Variants in WDFY4 observed in about 807,000 individuals in gnomAD.
WDFY4 encodes the protein WD repeat- and FYVE domain-containing protein 4.
WDFY4 carries 169 observed loss-of-function variants against 351.9 expected under a neutral mutation model. That is an observed-to-expected ratio of 0.48 (90% CI 0.42 to 0.55). The LOEUF (loss-of-function observed/expected upper bound fraction) is 0.55. Ranked by LOEUF, WDFY4 falls within the 20% of genes least tolerant of loss-of-function variation. The probability of loss-of-function intolerance (pLI) is 0.00; values close to 1 mark genes in which losing one functional copy is unlikely to be tolerated. For missense variants in WDFY4, 3,803 were observed against 3,935.6 expected (o/e 0.97, Z 0.90); for synonymous variants, 1,622 against 1,574.6 (o/e 1.03, Z -0.71).
chr10:48,899,821 T>A (rs1261947206), intron 45 of WDFY4, among the ~76,000 whole-genome samples: 1 of 152,220 alleles, frequency 6.6e-6, no homozygotes, highest in African/African-American at 2.4e-5. Flanking sequence ...CAACCCATGA[T>A]GCTGCCCAGC....
rs993401916 is a variant in WDFY4 at position 48,966,636 on chromosome 10, C to A, written c.8547C>A (p.Ser2849Arg). Residue 2849 changes from serine (S) to arginine (R), a missense_variant, in exon 55 of 62, where the codon AGC becomes AGA. Coordinates refer to ENST00000325239, the MANE Select transcript of WDFY4 (RefSeq NM_001394531.1). Reference sequence around the variant, plus strand: ...GCCACCCACAGCCCTTTTTCTACAGCCTGCAGTCGCTGAGGCCCTCCCAGG... The same window carrying A: ...GCCACCCACAGCCCTTTTTCTACAGACTGCAGTCGCTGAGGCCCTCCCAGG... The part of the protein sequence containing the change: ...LPGHPQPFFY[S>R]LQSLRPSQVT... 6.4e-7 allele frequency: 1 copy of A among 1,551,842 alleles called. No homozygotes were observed. Among genetic ancestry groups the A allele is most frequent in the Non-Finnish European group, 8.7e-7 (1 of 1,147,012 alleles).
intron 1 of WDFY4, among the ~76,000 whole-genome samples, chr10:48,695,674 G>A (rs896165245): frequency 1.3e-5 from 2 of 152,122 alleles, no homozygotes; most frequent in South Asian, 2.1e-4. Context: ...ACCGAGCCCT[G>A]ATCGGCTCCC....
At chr10:48,918,496 T>C (rs1030439541) in intron 47 of WDFY4, among the ~76,000 whole-genome samples, 1 of 152,176 alleles carries the variant, frequency 6.6e-6, no homozygotes, top group African/African-American at 2.4e-5. Flanking sequence ...TACTTATTAA[T>C]AAAATGATCA....
intron 40 of WDFY4, among the ~76,000 whole-genome samples, 190 bp downstream of exon 40, chr10:48,867,532 C>T (rs1366968622): frequency 6.6e-6 from 1 of 152,182 alleles, no homozygotes; most frequent in Non-Finnish European, 1.5e-5. Flanking sequence ...ATTTAAAGTA[C>T]CTATCTAGGC....
chr10:48,759,262 A>G (rs1269643489), intron 12 of WDFY4, among the ~76,000 whole-genome samples: 1 of 152,176 alleles, frequency 6.6e-6, no homozygotes, highest in African/African-American at 2.4e-5. Context: ...CTCAGCCCAG[A>G]GGTTAATATA....
intron 55 of WDFY4, chr10:48,968,035 A>C (rs1420748999): frequency 6.6e-6 from 1 of 152,270 alleles, no homozygotes; most frequent in East Asian, 1.9e-4. Flanking sequence ...CATGAGGTGC[A>C]AACCACATCA....
At chr10:48,901,932 T>C in intron 47 of WDFY4, 69 bp downstream of exon 47, 1 of 1,411,998 alleles carries the variant, frequency 7.1e-7, no homozygotes, top group South Asian at 1.2e-5. Flanking sequence ...CTCTGCCTCA[T>C]CCCACTCTAA....
At chr10:48,725,027 G>T (rs2064219300) in intron 5 of WDFY4, among the ~76,000 whole-genome samples, 1 of 152,188 alleles carries the variant, frequency 6.6e-6, no homozygotes. Context: ...GTCTGAGGAG[G>T]TAGTGTGGCC....
rs191649918 is a variant in WDFY4, at chr10:48,730,141, G to A, written c.1129+552G>A. ...TGACCCAGCTCAGTCAGGAAACCTCGAACAGAGGGCCTGCCGGAGGGAGTT... is the reference window on the plus strand; with the variant it reads ...TGACCCAGCTCAGTCAGGAAACCTCAAACAGAGGGCCTGCCGGAGGGAGTT... On this transcript the variant is annotated intron_variant, in intron 8 of 61. Transcript: ENST00000325239. Among the ~76,000 whole-genome samples, 624 of 152,332 alleles carry A rather than the reference G, an allele frequency of 4.1e-3. 6 individuals carry two copies. The highest frequency in any genetic ancestry group is 0.014 in the African/African-American group (592 of 41,572).
intron 52 of WDFY4, 61 bp downstream of exon 52, chr10:48,957,343 C>A: frequency 6.6e-7 from 1 of 1,526,514 alleles, no homozygotes; most frequent in Non-Finnish European, 8.9e-7. Flanking sequence ...TCCCACAGCC[C>A]CTGGGTGATG....
chr10:48,953,329 T>TCACA (rs780484513), intron 51 of WDFY4, among the ~76,000 whole-genome samples: 8 of 87,606 alleles, frequency 9.1e-5, no homozygotes, highest in Admixed American at 2.4e-4. Context: ...TCTCTCTCTC[T>TCACA]CTCTCACACA....
chr10:48,981,456 G>A lies in WDFY4; in HGVS notation c.9466G>A (p.Val3156Met). ...GAAGCCCAGCAAAACCAGCCCCGCA[G>A]TGACTGCTCTGGCCGTGTCCAGGTA... ...TGKPSKTSPA[V>M]TALAVSRNHT... The change falls in exon 61 of 62, where the codon GTG becomes ATG. Residue 3156 changes from valine (V) to methionine (M), a missense_variant. Around this residue, in one of 3 missense-constraint regions of WDFY4, gnomAD observed 3,054 missense variants for 3,148.6 expected, o/e 0.97. Coordinates refer to ENST00000325239, the MANE Select transcript of WDFY4 (RefSeq NM_001394531.1). 1 of 1,551,686 alleles carries A rather than the reference G, an allele frequency of 6.4e-7. No homozygotes were observed. The highest frequency in any genetic ancestry group is 8.7e-7 in the Non-Finnish European group (1 of 1,146,970).
chr10:48,692,097 AGCCT>A (rs1470902488), intron 1 of WDFY4, among the ~76,000 whole-genome samples: 1 of 152,228 alleles, frequency 6.6e-6, no homozygotes, highest in East Asian at 1.9e-4. Flanking sequence ...CCAGGAACCA[AGCCT>A]GCATGTCCAA....
chr10:48,828,856 C>G lies in WDFY4; in HGVS notation c.6300C>G (p.Asp2100Glu). 6.7e-7 allele frequency: 1 copy of G among 1,497,390 alleles called. No individual in the cohort carries two copies. Among genetic ancestry groups the G allele is most frequent in the Non-Finnish European group, 8.9e-7 (1 of 1,122,074 alleles). 92.8% of individuals were successfully genotyped at this position (1,497,390 alleles called of 1,614,324 possible). A position where few individuals can be genotyped will look rare whatever the true frequency, so the allele number is the denominator to read the frequency against. ...AAGTCTTCCTTTCCCCAAATGAAGA[C>G]GTGAAAGAAAAAAGAGAAGACTTAC... is the stretch of plus-strand genomic sequence containing the variant. Reference protein sequence around the residue: ...YHQVFLSPNEDVKEKREDLPS... With the variant: ...YHQVFLSPNEEVKEKREDLPS... The change falls in exon 37 of 62, where the codon GAC becomes GAG. Residue 2100 changes from aspartate (D) to glutamate (E), a missense_variant. Asp to Glu is a conservative substitution (Grantham distance 45). Coordinates refer to ENST00000325239, the MANE Select transcript of WDFY4 (RefSeq NM_001394531.1).
rs375563580 is a variant in WDFY4, at chr10:48,726,589, A to AGGACT, written c.781+525_781+529dup. Among the ~76,000 whole-genome samples the AGGACT allele has an allele frequency of 8.8e-4, 134 of 152,336 alleles. 3 individuals are homozygous for AGGACT. The highest frequency in any genetic ancestry group is 3.1e-3 in the African/African-American group (130 of 41,564). On this transcript the variant is annotated intron_variant, in intron 6 of 61. Coordinates refer to ENST00000325239, the MANE Select transcript of WDFY4 (RefSeq NM_001394531.1). ...CCAAAGACTCTGGAGCCAGACAGCC[A>AGGACT]GGACTGGACTCCAGCTCTGTCCTCG...
intron 23 of WDFY4, among the ~76,000 whole-genome samples, chr10:48,794,304 T>C (rs1040379205): frequency 1.3e-5 from 2 of 151,504 alleles, no homozygotes; most frequent in Non-Finnish European, 2.9e-5. Context: ...ACCTGGGGAG[T>C]CTCAGGATCT....
intron 59 of WDFY4, among the ~76,000 whole-genome samples, chr10:48,977,425 T>TCATCCATCCATCCATCCATCCATC (rs371807944): frequency 6.7e-6 from 1 of 150,010 alleles, no homozygotes; most frequent in Non-Finnish European, 1.5e-5. Flanking sequence ...ACCCATCCAC[T>TCATCCATCCATCCATCCATCCATC]CATCCATCCA....
At chr10:48,751,378 T>C (rs2065176516) in intron 12 of WDFY4, among the ~76,000 whole-genome samples, 1 of 152,156 alleles carries the variant, frequency 6.6e-6, no homozygotes, top group African/African-American at 2.4e-5. Context: ...CTTTAAGCTG[T>C]AGTAGGGCTT....
intron 43 of WDFY4, among the ~76,000 whole-genome samples, chr10:48,885,383 AG>A (rs2070413065): frequency 6.6e-6 from 1 of 152,240 alleles, no homozygotes; most frequent in African/African-American, 2.4e-5. Context: ...ATCAGTCCTT[AG>A]TGAACACAGG....
Sources: gnomAD v4.1 joint callset for allele counts (sites outside exome capture counted in the v4.1 genomes callset) on GRCh38, gnomAD v4.1.1 for gene constraint, gnomAD v4.1.1 regional missense constraint, MANE v1.5 for transcripts, NCBI Gene and HGNC (gene_info 2026-07-23, HGNC 2026-07-21) for gene names.